GTF2F2: variants seen among roughly 807,000 people sequenced by gnomAD.
GTF2F2 encodes general transcription factor IIF subunit 2, also known as ATP-dependent helicase GTF2F2.
A neutral mutation model predicts 42.2 loss-of-function variants in GTF2F2; 23 were observed. The observed-to-expected ratio is 0.55, with a 90% CI of 0.39 to 0.77. The LOEUF is 0.77. Ranked by LOEUF, GTF2F2 falls within the 30% of genes least tolerant of loss-of-function variation. The probability of loss-of-function intolerance (pLI) is 0.00; values close to 1 mark genes in which losing one functional copy is unlikely to be tolerated. For missense variants in GTF2F2, 261 were observed against 287.2 expected (o/e 0.91, Z 0.66); for synonymous variants, 105 against 100.8 (o/e 1.04, Z -0.25).
intron 6 of GTF2F2, among the ~76,000 whole-genome samples, chr13:45,257,803 C>T (rs756153760): frequency 1.3e-5 from 2 of 152,108 alleles, no homozygotes; most frequent in Admixed American, 1.3e-4. Context: ...CTGTGCTAGT[C>T]GGTCGTTTTT....
At chr13:45,168,254 C>G (rs924066189) in intron 4 of GTF2F2, among the ~76,000 whole-genome samples, 19 of 152,240 alleles carry the variant, frequency 1.2e-4, no homozygotes, top group African/African-American at 4.6e-4. Flanking sequence ...CATAGCCTCT[C>G]AAGGCCTTGC....
At chr13:45,230,365 G>T (rs1874613524) in intron 5 of GTF2F2, among the ~76,000 whole-genome samples, 1 of 152,184 alleles carries the variant, frequency 6.6e-6, no homozygotes, top group African/African-American at 2.4e-5. Context: ...GGAAAGGGTG[G>T]TTGGAGGAGA....
At chr13:45,230,636 A>G (rs1403056846) in intron 5 of GTF2F2, among the ~76,000 whole-genome samples, 3 of 152,234 alleles carry the variant, frequency 2.0e-5, no homozygotes, top group African/African-American at 7.2e-5. Context: ...TAAAACTAGT[A>G]CTGCTTATAT....
intron 1 of GTF2F2, among the ~76,000 whole-genome samples, chr13:45,125,688 AT>A (rs1214447272): frequency 6.6e-6 from 1 of 152,058 alleles, no homozygotes. Flanking sequence ...CTTCATTTTT[AT>A]GTCTTTGGTC....
At chr13:45,240,692 G>A (rs1875246603) in intron 5 of GTF2F2, among the ~76,000 whole-genome samples, 1 of 151,950 alleles carries the variant, frequency 6.6e-6, no homozygotes, top group African/African-American at 2.4e-5. Flanking sequence ...GTCAGGCATG[G>A]TGGTGGGCGC....
At position 45,210,282 on chromosome 13, in the gene GTF2F2, C is replaced by T. The variant is rs141253741; in HGVS notation, c.386+2777C>T. On this transcript the variant is annotated intron_variant, in intron 5 of 7. Coordinates refer to ENST00000340473, the MANE Select transcript of GTF2F2 (RefSeq NM_004128.3). Reference sequence around the variant, plus strand: ...TCCCTCCCCTCCACTCATTCTGCTCCAACCACACCTGTCTCCTAACAATCC... The same window carrying T: ...TCCCTCCCCTCCACTCATTCTGCTCTAACCACACCTGTCTCCTAACAATCC... Among the ~76,000 whole-genome samples the T allele has an allele frequency of 2.2e-4, 33 of 152,276 alleles. No individual in the cohort carries two copies. In the East Asian group the frequency reaches 6.4e-3, roughly 29 times the overall value.
chr13:45,189,138 T>A (rs1302448757), intron 4 of GTF2F2, among the ~76,000 whole-genome samples: 1 of 152,042 alleles, frequency 6.6e-6, no homozygotes, highest in African/African-American at 2.4e-5. Flanking sequence ...CACTTACGAG[T>A]GAGAACATGT....
chr13:45,235,069 AAAG>A (rs1324760214), intron 5 of GTF2F2, among the ~76,000 whole-genome samples: 36 of 141,752 alleles, frequency 2.5e-4, no homozygotes, highest in African/African-American at 9.5e-4. Flanking sequence ...AAAAAAAAAA[AAAG>A]GTCATAGTTG....
chr13:45,277,948 C>T (rs1877102494), intron 7 of GTF2F2, among the ~76,000 whole-genome samples: 2 of 152,126 alleles, frequency 1.3e-5, no homozygotes, highest in African/African-American at 4.8e-5. Flanking sequence ...TGTTAACTTA[C>T]TTAAAGCATT....
chr13:45,280,391 T>C (rs1877213041), intron 7 of GTF2F2, among the ~76,000 whole-genome samples: 1 of 152,242 alleles, frequency 6.6e-6, no homozygotes, highest in African/African-American at 2.4e-5. Context: ...GACCTTGTTT[T>C]TCCCTATCGT....
intron 7 of GTF2F2, among the ~76,000 whole-genome samples, chr13:45,283,115 C>A (rs1230569591): frequency 6.6e-6 from 1 of 152,152 alleles, no homozygotes; most frequent in Non-Finnish European, 1.5e-5. Flanking sequence ...TGTACCGTGT[C>A]ACACTGAGTG....
At chr13:45,181,258 C>G (rs1479251256) in intron 4 of GTF2F2, among the ~76,000 whole-genome samples, 1 of 151,220 alleles carries the variant, frequency 6.6e-6, no homozygotes, top group African/African-American at 2.4e-5. Flanking sequence ...CCTTCATATA[C>G]CTCCCTCTCT....
intron 4 of GTF2F2, among the ~76,000 whole-genome samples, chr13:45,157,885 G>T (rs140480237): frequency 2.0e-3 from 298 of 152,162 alleles, no homozygotes; most frequent in African/African-American, 6.8e-3. Context: ...TGCCCAGTCT[G>T]CCACTTGGAT....
intron 4 of GTF2F2, among the ~76,000 whole-genome samples, chr13:45,157,785 G>A (rs1488541199): frequency 6.6e-6 from 1 of 151,864 alleles, no homozygotes; most frequent in Non-Finnish European, 1.5e-5. Context: ...GTTTCGCCAT[G>A]TTTCCCAGGC....
At chr13:45,218,602 C>G (rs1002564102) in intron 5 of GTF2F2, among the ~76,000 whole-genome samples, 12 of 152,140 alleles carry the variant, frequency 7.9e-5, no homozygotes, top group African/African-American at 2.9e-4. Context: ...TAAGTAATTT[C>G]AAATAAACTT....
At chr13:45,206,696 T>G (rs7981521) in intron 4 of GTF2F2, 33,275 of 152,192 alleles carry the variant, frequency 0.22, 3,893 homozygotes, top group African/African-American at 0.27. Flanking sequence ...TGGTGGCCAG[T>G]AGGCACACAA....
At chr13:45,138,942 G>A (rs557136229) in intron 2 of GTF2F2, among the ~76,000 whole-genome samples, 117 of 152,296 alleles carry the variant, frequency 7.7e-4, no homozygotes, top group Non-Finnish European at 1.5e-3. Context: ...CACTGTGCCC[G>A]GCCGCGAGTG....
intron 2 of GTF2F2, among the ~76,000 whole-genome samples, chr13:45,146,397 G>A (rs929908823): frequency 1.3e-5 from 2 of 152,066 alleles, no homozygotes; most frequent in Non-Finnish European, 2.9e-5. Context: ...CACTCCAGAG[G>A]CTGAGGTGGG....
At chr13:45,253,964 TG>T (rs1875983994) in intron 6 of GTF2F2, among the ~76,000 whole-genome samples, 1 of 149,200 alleles carries the variant, frequency 6.7e-6, no homozygotes, top group Non-Finnish European at 1.5e-5. Flanking sequence ...TCCCAGCTGC[TG>T]GGGAGGCTGA....
Sources: allele counts gnomAD v4.1 joint callset (sites outside exome capture counted in the v4.1 genomes callset), GRCh38; gene constraint gnomAD v4.1.1; transcripts MANE v1.5; gene names NCBI Gene and HGNC (gene_info 2026-07-23, HGNC 2026-07-21).